The following DYNC2I1 variants were observed in gnomAD, a reference collection of about 807,000 sequenced individuals.
The protein encoded by DYNC2I1 is cytoplasmic dynein 2 intermediate chain 1.
A neutral mutation model predicts 133.4 loss-of-function variants in DYNC2I1; 89 were observed. The ratio of observed to expected loss-of-function variants is 0.67; its 90% CI spans 0.56 to 0.80. DYNC2I1 has a LOEUF of 0.80. Among genes scored for constraint, DYNC2I1 ranks in the 30% least tolerant of loss-of-function variants. The pLI, the probability that DYNC2I1 is intolerant of heterozygous loss-of-function variation, is 0.00. For missense variants in DYNC2I1, 1,291 were observed against 1,314.5 expected (o/e 0.98, Z 0.28); for synonymous variants, 504 against 484.3 (o/e 1.04, Z -0.54).
chr7:158,865,681 A>C (rs747681280), intron 1 of DYNC2I1, among the ~76,000 whole-genome samples: 1 of 152,074 alleles, frequency 6.6e-6, no homozygotes, highest in Non-Finnish European at 1.5e-5. Context: ...CACTCCTGGG[A>C]GTGCTGGGGA....
intron 14 of DYNC2I1, among the ~76,000 whole-genome samples, chr7:158,918,059 G>C (rs1169787073): frequency 6.6e-6 from 1 of 151,416 alleles, no homozygotes; most frequent in African/African-American, 2.4e-5. Flanking sequence ...CCTGCCTCCC[G>C]CCCTCCCATA....
At chr7:158,884,302 C>A (rs1190695342) in intron 5 of DYNC2I1, among the ~76,000 whole-genome samples, 4 of 152,172 alleles carry the variant, frequency 2.6e-5, no homozygotes, top group Admixed American at 1.3e-4. Flanking sequence ...GCCTTGGCCT[C>A]CCAAAGTGCT....
Position 158,895,934 on chromosome 7 carries a change from G to A in DYNC2I1, c.1059+4601G>A, listed in dbSNP as rs77456770. Among the ~76,000 whole-genome samples the A allele has an allele frequency of 6.2e-3, 939 of 152,192 alleles. 61 individuals are homozygous for A. In the East Asian group the frequency reaches 0.13, roughly 21 times the overall value. On this transcript the variant is annotated intron_variant, in intron 8 of 24. Coordinates refer to ENST00000407559, the MANE Select transcript of DYNC2I1 (RefSeq NM_018051.5). ...TTCAGATTATACTCGTTCCTTGCTG[G>A]TATATAGGAAAGCGACTGACTTTTG...
At chr7:158,914,933 C>T (rs1847873194) in intron 14 of DYNC2I1, among the ~76,000 whole-genome samples, 1 of 152,248 alleles carries the variant, frequency 6.6e-6, no homozygotes, top group Non-Finnish European at 1.5e-5. Flanking sequence ...ACTTATAATG[C>T]AGTCAGATAT....
At chr7:158,842,524 A>G in the DYNC2I1 span, among the ~76,000 whole-genome samples, 1 of 152,160 alleles carries the variant, frequency 6.6e-6, no homozygotes, top group African/African-American at 2.4e-5. Context: ...CTCCTCATAC[A>G]CTTATGGCAT....
intron 8 of DYNC2I1, among the ~76,000 whole-genome samples, chr7:158,899,007 G>A (rs1457176407): frequency 6.6e-6 from 1 of 151,928 alleles, no homozygotes; most frequent in East Asian, 1.9e-4. Flanking sequence ...GCAGACATAA[G>A]CATGTTATCC....
intron 5 of DYNC2I1, among the ~76,000 whole-genome samples, chr7:158,881,601 G>C (rs990545394): frequency 3.9e-5 from 6 of 152,010 alleles, no homozygotes; most frequent in African/African-American, 4.8e-5. Flanking sequence ...CTACAGGCAT[G>C]TGCCACCACT....
chr7:158,949,178 C>T (rs951190406), downstream of DYNC2I1, among the ~76,000 whole-genome samples: 3 of 152,252 alleles, frequency 2.0e-5, no homozygotes, highest in African/African-American at 4.8e-5. Context: ...ACACCAGGAA[C>T]ACCCCGCAGG....
chr7:158,860,683 A>G (rs993712973), intron 1 of DYNC2I1, among the ~76,000 whole-genome samples: 2 of 150,348 alleles, frequency 1.3e-5, no homozygotes, highest in Non-Finnish European at 2.9e-5. Flanking sequence ...GTTACATACC[A>G]AACAATTGAT....
At chr7:158,879,459 C>T (rs75705621) in intron 4 of DYNC2I1, among the ~76,000 whole-genome samples, 9,475 of 152,158 alleles carry the variant, frequency 0.062, 388 homozygotes, top group African/African-American at 0.11. Flanking sequence ...CTCTATATTA[C>T]TTAAAATCCC....
chr7:158,917,094 G>A (rs1465046530), intron 14 of DYNC2I1, among the ~76,000 whole-genome samples: 1 of 130,906 alleles, frequency 7.6e-6, no homozygotes, highest in Non-Finnish European at 1.6e-5. Context: ...ACGTCTACAC[G>A]CTGGTTGACA....
chr7:158,885,742 A>T (rs1420677245), intron 6 of DYNC2I1, among the ~76,000 whole-genome samples: 2 of 152,170 alleles, frequency 1.3e-5, no homozygotes, highest in African/African-American at 4.8e-5. Context: ...TAAATATCTT[A>T]CCCAAATTTT....
intron 7 of DYNC2I1, among the ~76,000 whole-genome samples, chr7:158,891,003 C>T (rs1845158953): frequency 6.6e-6 from 1 of 152,224 alleles, no homozygotes; most frequent in Non-Finnish European, 1.5e-5. Flanking sequence ...CCTCTCACTG[C>T]TACTGTGAAG....
In DYNC2I1 at chr7:158,945,479, C is replaced by T. The variant is rs188970018; in HGVS notation, c.3003-102C>T. On this transcript the variant is annotated intron_variant, in intron 24 of 24. Coordinates refer to ENST00000407559, the MANE Select transcript of DYNC2I1 (RefSeq NM_018051.5). This position sits in a 1 kb window ranked among gnomAD's most constrained non-coding sequence, Gnocchi z 4.1. ...ATTGGTATTTTTAGAATTTCTCATC[C>T]GTTTCACTCTTCCCATGGAAGGTAG... The T allele has an allele frequency of 2.5e-4, 313 of 1,253,412 alleles. No individual in the cohort carries two copies. In the African/African-American group the frequency reaches 3.9e-3, roughly 16 times the overall value. 77.6% of individuals were successfully genotyped at this position (1,253,412 alleles called of 1,614,324 possible).
intron 5 of DYNC2I1, among the ~76,000 whole-genome samples, chr7:158,883,658 C>CTTTTTT (rs762388455): frequency 2.2e-4 from 19 of 86,162 alleles, no homozygotes; most frequent in Middle Eastern, 0.013. Context: ...CCAGTGACTT[C>CTTTTTT]TTTTTTTTTT....
At chr7:158,953,798 T>C (rs576881724) in intron 4 of DYNC2I1, among the ~76,000 whole-genome samples, 59 of 152,192 alleles carry the variant, frequency 3.9e-4, no homozygotes, top group Non-Finnish European at 8.1e-4. Context: ...ATATATGTTA[T>C]ATATATGCCT....
intron 7 of DYNC2I1, among the ~76,000 whole-genome samples, chr7:158,888,976 T>C (rs1263818586): frequency 1.3e-5 from 2 of 151,858 alleles, no homozygotes; most frequent in African/African-American, 4.8e-5. Context: ...TCTCATATAA[T>C]CTTTTATAAT....
intron 5 of DYNC2I1, among the ~76,000 whole-genome samples, chr7:158,883,796 T>A: frequency 6.7e-6 from 1 of 148,590 alleles, no homozygotes; most frequent in Non-Finnish European, 1.5e-5. Flanking sequence ...CCCGAGTAGC[T>A]GGGACTACAG....
intron 1 of DYNC2I1, among the ~76,000 whole-genome samples, chr7:158,860,710 T>C (rs910476786): frequency 3.9e-5 from 6 of 152,250 alleles, no homozygotes; most frequent in Non-Finnish European, 8.8e-5. Flanking sequence ...TGTGTGAGTT[T>C]ATTGTTATGA....
Sources: allele counts gnomAD v4.1 joint callset (sites outside exome capture counted in the v4.1 genomes callset), GRCh38; gene constraint gnomAD v4.1.1; non-coding constraint Gnocchi (gnomAD v3.1); transcripts MANE v1.5; gene names NCBI Gene and HGNC (gene_info 2026-07-23, HGNC 2026-07-21).